The following FN1 variants were observed in gnomAD, a reference collection of about 807,000 sequenced individuals.
FN1 encodes the protein fibronectin 1.
A neutral mutation model predicts 297.3 loss-of-function variants in FN1; 106 were observed. The ratio of observed to expected loss-of-function variants is 0.36; its 90% CI spans 0.30 to 0.42. The LOEUF (loss-of-function observed/expected upper bound fraction) is 0.42, where lower values mean the gene tolerates loss of function less well. Ranked by LOEUF, FN1 falls within the 10% of genes least tolerant of loss-of-function variation. The pLI is 1.00. For missense variants in FN1, 2,690 were observed against 3,124.9 expected (o/e 0.86, Z 3.32); for synonymous variants, 1,149 against 1,152.6 (o/e 1.00, Z 0.06).
At chr2:215,400,974 T>G (rs1436702905) in intron 20 of FN1, among the ~76,000 whole-genome samples, 2 of 150,598 alleles carry the variant, frequency 1.3e-5, no homozygotes, top group African/African-American at 2.4e-5. Flanking sequence ...TTTTGTATTT[T>G]TAGTAAAGAT....
intron 26 of FN1, among the ~76,000 whole-genome samples, chr2:215,390,705 C>T (rs899744581): frequency 6.6e-6 from 1 of 152,102 alleles, no homozygotes; most frequent in South Asian, 2.1e-4. Context: ...AGCAACAGCC[C>T]TGGGGTGGTG....
At chr2:215,387,634 G>T (rs1215727946) in intron 27 of FN1, among the ~76,000 whole-genome samples, 1 of 152,142 alleles carries the variant, frequency 6.6e-6, no homozygotes, top group Non-Finnish European at 1.5e-5. Context: ...TTCAGTTACA[G>T]CATTTACTAG....
intron 5 of FN1, among the ~76,000 whole-genome samples, 200 bp downstream of exon 5, chr2:215,430,515 A>C (rs1389295735): frequency 6.6e-6 from 1 of 152,194 alleles, no homozygotes; most frequent in African/African-American, 2.4e-5. Context: ...AACCTTATCA[A>C]AGTGATATGT....
Position 215,365,809 on chromosome 2 carries a change from T to TA in FN1, c.7019-180_7019-179insT, listed in dbSNP as rs1191367459. 2,488 of 161,254 alleles carry TA rather than the reference T, an allele frequency of 0.015. 12 individuals are homozygous for TA. The highest frequency in any genetic ancestry group is 0.058 in the African/African-American group (799 of 13,804). The allele number at this position is 161,254 out of a possible 1,614,324, so 10.0% of individuals were successfully genotyped here. On this transcript the variant is annotated intron_variant, in intron 42 of 45. Transcript: ENST00000354785. ...TTTATTTATTTATTTACTTTTTATT[T>TA]TTTTTTTTTTTTTTGAGACAAAGTC...
intron 33 of FN1, 23 bp from the exon 34 acceptor site, chr2:215,379,340 G>C: frequency 6.2e-7 from 1 of 1,608,826 alleles, no homozygotes; most frequent in Non-Finnish European, 8.5e-7. Context: ...TCATTGGTTA[G>C]AGGTTATCTT....
rs765853122 is a variant in FN1 at position 215,386,977 on chromosome 2, G to A, written c.4343-19C>T. On this transcript the variant is annotated intron_variant, in intron 27 of 45. Transcript: ENST00000354785. ...TCAAGACCTGTTTTTCCCACCCGGG[G>A]GAGGAAGAGAAAAAAAAAAGAAAAG... 5 of 1,600,404 alleles carry A rather than the reference G, an allele frequency of 3.1e-6. No individual in the cohort carries two copies. The highest frequency in any genetic ancestry group is 2.7e-5 in the African/African-American group (2 of 74,006).
chr2:215,406,344 G>A lies in FN1; in HGVS notation c.2880C>T (p.Thr960=). 2 of 1,614,228 alleles carry A rather than the reference G, an allele frequency of 1.2e-6. No individual in the cohort carries two copies. Among genetic ancestry groups the A allele is most frequent in the East Asian group, 2.2e-5 (1 of 44,880 alleles). Residue 960 remains threonine (T), a synonymous_variant, in exon 19 of 46, where the codon ACC becomes ACT. Transcript: ENST00000354785. The stretch of plus-strand genomic sequence containing the variant: ...GGGACAGCCCGGTGACTTCTGCAAA[G>A]GTGTTCCTGCTGATGGGCAGCCTCT... ...HGQRLPISRN[T]FAEVTGLSPG...
intron 10 of FN1, chr2:215,421,167 A>G (rs1355097006): frequency 1.8e-5 from 6 of 324,768 alleles, no homozygotes; most frequent in Non-Finnish European, 3.6e-5. Context: ...TTGTTAGGAT[A>G]AATAAGAAGA....
chr2:215,432,219 A>G (rs1463154811), intron 3 of FN1, among the ~76,000 whole-genome samples: 1 of 152,192 alleles, frequency 6.6e-6, no homozygotes, highest in Non-Finnish European at 1.5e-5. Flanking sequence ...CTGCTTTCCC[A>G]GAGAGATCAC....
Position 215,375,661 on chromosome 2 carries a change from C to T in FN1, c.5945G>A (p.Arg1982Gln), listed in dbSNP as rs769436687. 1.3e-5 allele frequency: 21 copies of T among 1,613,284 alleles called. 1 individual carries two copies. The South Asian group carries it at 1.6e-4, about 13-fold the overall frequency. The part of the protein sequence containing the change: ...IYLYTLNDNA[R>Q]SSPVVIDAST... Reference sequence around the variant, plus strand: ...GGCGTCGATGACCACAGGGGAGCTCCGAGCATTGTCATTCAAGGTGTACAG... The same window carrying T: ...GGCGTCGATGACCACAGGGGAGCTCTGAGCATTGTCATTCAAGGTGTACAG... The change falls in exon 37 of 46, where the codon CGG (arginine) becomes CAG (glutamine). Residue 1982 changes from arginine to glutamine, a missense_variant. Physicochemically the swap from Arg to Gln is conservative, Grantham distance 43. Around this residue, in one of 3 missense-constraint regions of FN1, gnomAD observed 1,743 missense variants for 1,945.2 expected, o/e 0.90. Transcript: ENST00000354785.
intron 39 of FN1, chr2:215,372,630 G>T (rs1292048097): frequency 2.2e-5 from 12 of 535,844 alleles, no homozygotes; most frequent in Non-Finnish European, 4.0e-5. Flanking sequence ...TTAAACCGCT[G>T]AGCCCCGTAG....
At chr2:215,404,283 G>A in intron 20 of FN1, 106 bp downstream of exon 20, 6 of 1,176,772 alleles carry the variant, frequency 5.1e-6, no homozygotes, top group South Asian at 3.9e-5. Context: ...TTTAAATTAT[G>A]TACTAATTTT....
At chr2:215,381,831 C>T (rs1006529849) in intron 32 of FN1, 47 of 346,838 alleles carry the variant, frequency 1.4e-4, no homozygotes, top group African/African-American at 8.8e-4. Flanking sequence ...CTGGTCCAGC[C>T]ATAGCCCTTC....
rs1192853679 is a variant in FN1, at chr2:215,397,689, C to G, written c.3508G>C (p.Val1170Leu). The stretch of plus-strand genomic sequence containing the variant: ...AAAAAATTCTTCTTACGTGTCACCA[C>G]TTTGTTTACAATTGGCGCATCTCTT... ...QERDAPIVNK[V>L]VTPLSPPTNL... The change falls in exon 22 of 46, where the codon GTG becomes CTG. Residue 1170 changes from valine (V) to leucine (L), a missense_variant. Transcript: ENST00000354785. 3 of 1,613,950 alleles carry G rather than the reference C, an allele frequency of 1.9e-6. No individual in the cohort carries two copies. The highest frequency in any genetic ancestry group is 2.7e-5 in the African/African-American group (2 of 74,928).
At position 215,414,789 on chromosome 2, in the gene FN1, A is replaced by G. The variant is rs772645217; in HGVS notation, c.1941+48T>C. The G allele has an allele frequency of 9.9e-6, 16 of 1,612,140 alleles. No homozygotes were observed. The Admixed American group carries it at 2.0e-4, about 20-fold the overall frequency. On this transcript the variant is annotated intron_variant, in intron 13 of 45. Transcript: ENST00000354785. ...GGAAAAAAAGAAACCATCAGAATTG[A>G]TAAGATTAGGAGACTCAGTATCCAA...
intron 3 of FN1, among the ~76,000 whole-genome samples, chr2:215,432,456 AGTT>A (rs1040448346): frequency 2.0e-5 from 3 of 152,206 alleles, no homozygotes; most frequent in African/African-American, 7.2e-5. Context: ...TAGTTTTCTA[AGTT>A]GTTAAGCCCA....
chr2:215,404,334 T>C, intron 20 of FN1, 55 bp downstream of exon 20: 1 of 1,487,468 alleles, frequency 6.7e-7, no homozygotes, highest in Non-Finnish European at 9.4e-7. Flanking sequence ...TTTTAAAGCA[T>C]GAAGAATAGA....
intron 34 of FN1, 72 bp downstream of exon 34, chr2:215,379,058 T>C (rs2057794313): frequency 7.8e-7 from 1 of 1,288,786 alleles, no homozygotes; most frequent in African/African-American, 1.5e-5. Context: ...TGATATTATA[T>C]TTTCACCACC....
In FN1 at chr2:215,367,998, C is replaced by T. The variant is rs1193303091; in HGVS notation, c.6883G>A (p.Asp2295Asn). 1 of 1,614,160 alleles carries T rather than the reference C, an allele frequency of 6.2e-7. No individual in the cohort carries two copies. The highest frequency in any genetic ancestry group is 1.3e-5 in the African/African-American group (1 of 75,042). ...VNEGLNQPTD[D>N]SCFDPYTVSH... ...ACTGTGTAGGGGTCAAAGCACGAGTCATCCGTAGGTTGGTTCAAGCCTTCG... is the reference window on the plus strand; with the variant it reads ...ACTGTGTAGGGGTCAAAGCACGAGTTATCCGTAGGTTGGTTCAAGCCTTCG... The change falls in exon 42 of 46, where the codon GAC (aspartate) becomes AAC (asparagine). Residue 2295 changes from aspartate to asparagine, a missense_variant. Asp to Asn is a conservative substitution (Grantham distance 23). This residue lies in a region of FN1 where 1,743 missense variants were observed against 1,945.2 expected (regional missense o/e 0.90). Coordinates refer to ENST00000354785, the MANE Select transcript of FN1 (RefSeq NM_212482.4).
Sources: allele counts gnomAD v4.1 joint callset (sites outside exome capture counted in the v4.1 genomes callset), GRCh38; gene constraint gnomAD v4.1.1; regional missense constraint gnomAD v4.1.1; transcripts MANE v1.5; gene names NCBI Gene and HGNC (gene_info 2026-07-23, HGNC 2026-07-21).